The following ROBO2 variants were observed in gnomAD, a reference collection of about 807,000 sequenced individuals.
The protein encoded by ROBO2 is roundabout homolog 2.
In ROBO2, 53 loss-of-function variants were observed where a neutral mutation model predicts 160.8. That is an observed-to-expected ratio of 0.33 (90% CI 0.26 to 0.41). ROBO2 has a LOEUF of 0.41. ROBO2 is among the 10% of genes least tolerant of loss of function. The pLI is 1.00. For missense variants in ROBO2, 1,577 were observed against 1,722.4 expected (o/e 0.92, Z 1.49); for synonymous variants, 664 against 611.7 (o/e 1.09, Z -1.26).
intron 2 of ROBO2, among the ~76,000 whole-genome samples, chr3:77,246,380 T>C (rs2089732850): frequency 6.6e-6 from 1 of 150,700 alleles, no homozygotes; most frequent in South Asian, 2.1e-4. Context: ...TGGCTAAGTA[T>C]GGAGGAAGGG....
At chr3:76,383,580 A>G (rs1428831306) in intron 2 of ROBO2, among the ~76,000 whole-genome samples, 2 of 152,230 alleles carry the variant, frequency 1.3e-5, no homozygotes, top group East Asian at 1.9e-4. Flanking sequence ...CAAAGAATGC[A>G]TACAAATTGG....
chr3:77,412,511 CT>C (rs1282200292), intron 2 of ROBO2, among the ~76,000 whole-genome samples: 2 of 152,214 alleles, frequency 1.3e-5, no homozygotes, highest in East Asian at 3.8e-4. Flanking sequence ...AGTTTGAGCA[CT>C]GCTGTCTGTC....
At chr3:75,959,518 A>C (rs1028166003) in intron 2 of ROBO2, among the ~76,000 whole-genome samples, 30 of 151,730 alleles carry the variant, frequency 2.0e-4, no homozygotes, top group African/African-American at 7.2e-4. Context: ...ATTAGCCCTT[A>C]GATTTCATGA....
chr3:76,497,790 C>G (rs1351530987), intron 2 of ROBO2, among the ~76,000 whole-genome samples: 1 of 152,186 alleles, frequency 6.6e-6, no homozygotes, highest in African/African-American at 2.4e-5. Context: ...ATTCTTCCCA[C>G]GGTCTGTCTT....
At chr3:76,343,379 T>C (rs2074343319) in intron 2 of ROBO2, among the ~76,000 whole-genome samples, 1 of 152,066 alleles carries the variant, frequency 6.6e-6, no homozygotes, top group Non-Finnish European at 1.5e-5. Context: ...TGGAATTCAA[T>C]ATATGTCTAA....
At chr3:77,623,207 T>C (rs2094936398) in intron 23 of ROBO2, among the ~76,000 whole-genome samples, 2 of 152,186 alleles carry the variant, frequency 1.3e-5, no homozygotes, top group East Asian at 1.9e-4. Context: ...CAAATAGATA[T>C]ACACTGTTGG....
chr3:76,622,430 C>T (rs1429537974), intron 2 of ROBO2, among the ~76,000 whole-genome samples: 2 of 151,910 alleles, frequency 1.3e-5, no homozygotes, highest in Admixed American at 1.3e-4. Flanking sequence ...ATGCCACTGC[C>T]CTCCAGCTGG....
chr3:77,474,659 CACA>C (rs1164280145), intron 2 of ROBO2, among the ~76,000 whole-genome samples: 2 of 57,090 alleles, frequency 3.5e-5, no homozygotes, highest in East Asian at 2.1e-3. Context: ...AGGGGGAATA[CACA>C]CACACACACA....
chr3:77,361,381 T>C (rs1209079935), intron 2 of ROBO2, among the ~76,000 whole-genome samples: 3 of 152,138 alleles, frequency 2.0e-5, no homozygotes, highest in African/African-American at 7.2e-5. Flanking sequence ...TTTATTTTTG[T>C]CTGGAAATCC....
chr3:76,997,784 C>T (rs905933943), intron 2 of ROBO2, among the ~76,000 whole-genome samples: 3 of 152,110 alleles, frequency 2.0e-5, no homozygotes, highest in Admixed American at 2.0e-4. Flanking sequence ...ATTTTGCTTA[C>T]GAAGCTGTGG....
intron 2 of ROBO2, among the ~76,000 whole-genome samples, chr3:75,959,046 T>C (rs1296102496): frequency 6.6e-6 from 1 of 151,814 alleles, no homozygotes; most frequent in African/African-American, 2.4e-5. Flanking sequence ...AGGAGAACTA[T>C]TTCTTTACTT....
At chr3:76,862,217 A>T (rs2070860086) in intron 2 of ROBO2, among the ~76,000 whole-genome samples, 1 of 152,122 alleles carries the variant, frequency 6.6e-6, no homozygotes, top group Non-Finnish European at 1.5e-5. Flanking sequence ...TATTACCCAG[A>T]AAGTACTTAC....
rs1407212066 is a variant in ROBO2 at position 76,392,066 on chromosome 3, CATT to C, written c.109+454469_109+454471del. 5.3e-5 allele frequency among the ~76,000 whole-genome samples: 8 copies of C among 152,176 alleles called. No individual in the cohort carries two copies. The Middle Eastern group carries it at 0.014, about 259-fold the overall frequency. ...ATTTTATAACATGTTTTCTTCATAA[CATT>C]ATTAATTATTTTCTACATGGCAGTG... is the stretch of plus-strand genomic sequence containing the variant. On this transcript the variant is annotated intron_variant, in intron 2 of 26. Transcript: ENST00000487694.
In ROBO2 at chr3:76,954,396, G is replaced by A. The variant is rs528041359; in HGVS notation, c.110-143618G>A. Among the ~76,000 whole-genome samples the A allele has an allele frequency of 3.5e-4, 53 of 152,256 alleles. No homozygotes were observed. The South Asian group carries it at 3.5e-3, about 10-fold the overall frequency. On this transcript the variant is annotated intron_variant, in intron 2 of 26. Coordinates refer to the ROBO2 transcript ENST00000487694. Reference sequence around the variant, plus strand: ...CATTTTATGTAATCTTACAACACGAGTAGTTCTCTGAATGTATTTTCTCAC... The same window carrying A: ...CATTTTATGTAATCTTACAACACGAATAGTTCTCTGAATGTATTTTCTCAC...
chr3:76,723,311 T>A (rs914717139), intron 2 of ROBO2, among the ~76,000 whole-genome samples: 3 of 152,222 alleles, frequency 2.0e-5, no homozygotes, highest in Admixed American at 6.5e-5. Context: ...ATATTATTTT[T>A]AAAATGTATT....
Position 76,668,695 on chromosome 3 carries a change from G to A in ROBO2, c.110-429319G>A, listed in dbSNP as rs890597022. Among the ~76,000 whole-genome samples, 132 of 151,820 alleles carry A rather than the reference G, an allele frequency of 8.7e-4. 3 individuals carry two copies. Among genetic ancestry groups the A allele is most frequent in the African/African-American group, 3.1e-3 (128 of 41,396 alleles). ...CTTTCCCACAATTAGGATGTGTTTTGCCTGTTAAAACATATTAAATTCAGA... is the reference window on the plus strand; with the variant it reads ...CTTTCCCACAATTAGGATGTGTTTTACCTGTTAAAACATATTAAATTCAGA... On this transcript the variant is annotated intron_variant, in intron 2 of 26. Transcript: ENST00000487694.
At chr3:77,630,672 CATGT>C (rs1362939763) in intron 23 of ROBO2, 2 of 151,864 alleles carry the variant, frequency 1.3e-5, no homozygotes, top group Non-Finnish European at 2.9e-5. Context: ...CAGAGGAACA[CATGT>C]ATGTAAGTGC....
chr3:77,541,176 T>C (rs540563445), intron 6 of ROBO2, among the ~76,000 whole-genome samples: 1 of 152,216 alleles, frequency 6.6e-6, no homozygotes, highest in African/African-American at 2.4e-5. Flanking sequence ...GTGCCACATA[T>C]GAATGTACGT....
rs143301069 is a variant in ROBO2, at chr3:76,661,011, T to C, written c.110-437003T>C. ...ATTTTACAGGATATTAAATACAGAA[T>C]ATTTCTCAATGAAAGTAATGAGAAA... On this transcript the variant is annotated intron_variant, in intron 2 of 26. Coordinates refer to the ROBO2 transcript ENST00000487694. Among the ~76,000 whole-genome samples the C allele has an allele frequency of 7.1e-4, 108 of 152,288 alleles. No individual in the cohort carries two copies. The East Asian group carries it at 0.017, about 23-fold the overall frequency.
Sources: allele counts gnomAD v4.1 joint callset (sites outside exome capture counted in the v4.1 genomes callset), GRCh38; gene constraint gnomAD v4.1.1; transcripts MANE v1.5; gene names NCBI Gene and HGNC (gene_info 2026-07-23, HGNC 2026-07-21).